NIPSNAP1: variants seen among roughly 807,000 people sequenced by gnomAD.
NIPSNAP1 encodes protein NipSnap homolog 1.
In NIPSNAP1, 25 loss-of-function variants were observed where a neutral mutation model predicts 49.2. That is an observed-to-expected ratio of 0.51 (90% confidence interval 0.37 to 0.71). The LOEUF is 0.71. Ranked by LOEUF, NIPSNAP1 falls within the 30% of genes least tolerant of loss-of-function variation. The pLI is 0.00. For missense variants in NIPSNAP1, 294 were observed against 361.0 expected (o/e 0.81, Z 1.50); for synonymous variants, 143 against 140.7 (o/e 1.02, Z -0.12).
At chr22:29,578,323 AC>A (rs1325991018) in intron 1 of NIPSNAP1, among the ~76,000 whole-genome samples, 1 of 151,186 alleles carries the variant, frequency 6.6e-6, no homozygotes, top group East Asian at 1.9e-4. Context: ...GGCATGACCC[AC>A]TGTGCCTGGC....
Position 29,577,755 on chromosome 22 carries a change from C to T in NIPSNAP1, c.98+3230G>A, listed in dbSNP as rs148283453. ...TTTGTTTTGTTTTGTTTTTTTGATA[C>T]GGAGTCTCCCTCTGTTGCCCAGGCT... On this transcript the variant is annotated intron_variant, in intron 1 of 9. Coordinates refer to ENST00000216121, the MANE Select transcript of NIPSNAP1 (RefSeq NM_003634.4). Among the ~76,000 whole-genome samples, 427 of 147,168 alleles carry T rather than the reference C, an allele frequency of 2.9e-3. 5 individuals carry two copies. Among genetic ancestry groups the T allele is most frequent in the East Asian group, 2.3e-3 (11 of 4,858 alleles).
chr22:29,560,687 C>A, intron 8 of NIPSNAP1, 47 bp downstream of exon 8: 1 of 1,479,734 alleles, frequency 6.8e-7, no homozygotes. Flanking sequence ...AGAGTGATGA[C>A]AGAGAAAGAG....
At position 29,574,289 on chromosome 22, in the gene NIPSNAP1, A is replaced by AAAAGAAAAGAAAGAAAAAG. The variant is rs1555973594; in HGVS notation, c.99-3758_99-3757insCTTTTTCTTTCTTTTCTTT. ...AAAAAAAAAAAAAAAAAAAAAAAAA[A>AAAAGAAAAGAAAGAAAAAG]AAAGAAAGAAAAAGAAAAGAAAATA... On this transcript the variant is annotated intron_variant, in intron 1 of 9. Coordinates refer to ENST00000216121, the MANE Select transcript of NIPSNAP1 (RefSeq NM_003634.4). Among the ~76,000 whole-genome samples the AAAAGAAAAGAAAGAAAAAG allele has an allele frequency of 3.4e-3, 424 of 125,272 alleles. 25 individuals are homozygous for AAAAGAAAAGAAAGAAAAAG. The highest frequency in any genetic ancestry group is 8.7e-3 in the East Asian group (34 of 3,910). 82.2% of individuals were successfully genotyped at this position (125,272 alleles called of 152,430 possible). A position where few individuals can be genotyped will look rare whatever the true frequency, so the allele number is the denominator to read the frequency against.
chr22:29,556,017 A>G lies in NIPSNAP1; in HGVS notation c.791-18T>C. 6.5e-7 allele frequency: 1 copy of G among 1,541,022 alleles called. No individual in the cohort carries two copies. Among genetic ancestry groups the G allele is most frequent in the South Asian group, 1.2e-5 (1 of 83,914 alleles). On this transcript the variant is annotated intron_variant, in intron 9 of 9. Coordinates refer to ENST00000216121, the MANE Select transcript of NIPSNAP1 (RefSeq NM_003634.4). ...CAGGGGGACTGCGGAGAGAGAAGGC[A>G]GAGGTCACACAGGGGGCTCAAGCAA...
At chr22:29,580,847 T>A in intron 1 of NIPSNAP1, 138 bp downstream of exon 1, 2 of 651,334 alleles carry the variant, frequency 3.1e-6, no homozygotes, top group Non-Finnish European at 5.0e-6. Flanking sequence ...GACCCCTCCC[T>A]AGGCCTTGAT....
intron 1 of NIPSNAP1, among the ~76,000 whole-genome samples, chr22:29,572,379 C>T (rs909283470): frequency 1.3e-5 from 2 of 151,208 alleles, no homozygotes; most frequent in African/African-American, 4.9e-5. Context: ...ATGGAGCAGC[C>T]ATTGGGACGG....
In NIPSNAP1 at chr22:29,579,235, C is replaced by T. The variant is rs368945878; in HGVS notation, c.98+1750G>A. ...TACAGGGGTGAGCCATCACACCCAG[C>T]TAATTGTATTTTTAGTAGAGACACG... is the stretch of plus-strand genomic sequence containing the variant. On this transcript the variant is annotated intron_variant, in intron 1 of 9. Coordinates refer to ENST00000216121, the MANE Select transcript of NIPSNAP1 (RefSeq NM_003634.4). Among the ~76,000 whole-genome samples the T allele has an allele frequency of 2.1e-4, 31 of 147,812 alleles. 2 individuals are homozygous for T. Among genetic ancestry groups the T allele is most frequent in the African/African-American group, 7.4e-4 (29 of 38,996 alleles).
At chr22:29,575,015 A>G (rs1222049612) in intron 1 of NIPSNAP1, among the ~76,000 whole-genome samples, 1 of 152,184 alleles carries the variant, frequency 6.6e-6, no homozygotes, top group East Asian at 1.9e-4. Flanking sequence ...AAGGCCGCAC[A>G]GAAAATCAGA....
chr22:29,555,812 T>G lies in NIPSNAP1; in HGVS notation c.*123A>C. On this transcript the variant is annotated 3_prime_UTR_variant, in exon 10 of 10. Transcript: ENST00000216121. ...GCCTTCAGTTCCCCCTTGTCTGAACTGAGCACTGCCCCTCAGAGTCCTCCC... is the reference window on the plus strand; with the variant it reads ...GCCTTCAGTTCCCCCTTGTCTGAACGGAGCACTGCCCCTCAGAGTCCTCCC... 2 of 849,824 alleles carry G rather than the reference T, an allele frequency of 2.4e-6. No individual in the cohort carries two copies. The highest frequency in any genetic ancestry group is 2.2e-4 in the Middle Eastern group (1 of 4,446). 52.6% of individuals were successfully genotyped at this position (849,824 alleles called of 1,614,324 possible).
At chr22:29,560,704 C>A in intron 8 of NIPSNAP1, 30 bp downstream of exon 8, 1 of 1,582,632 alleles carries the variant, frequency 6.3e-7, no homozygotes, top group South Asian at 1.1e-5. Flanking sequence ...AGAGAACTAA[C>A]AAAAGGCTCC....
rs778071409 is a variant in NIPSNAP1, at chr22:29,561,850, C to T, written c.380G>A (p.Arg127Gln). The stretch of plus-strand genomic sequence containing the variant: ...GAGGGCTGGGTAGCCACCTGAGAAT[C>T]GCCACAGGTGCACTGTTGGGGGTGA... ...GEQDQAVHLWRFSGGYPALMD... is the reference protein window; with the variant it reads ...GEQDQAVHLWQFSGGYPALMD... The change falls in exon 5 of 10, where the codon CGA becomes CAA. Residue 127 changes from arginine (R) to glutamine (Q), a missense_variant. By Grantham distance (43) the Arg-to-Gln change is conservative. Coordinates refer to ENST00000216121, the MANE Select transcript of NIPSNAP1 (RefSeq NM_003634.4). The T allele has an allele frequency of 1.2e-5, 20 of 1,614,026 alleles. No homozygotes were observed. Among genetic ancestry groups the T allele is most frequent in the East Asian group, 6.7e-5 (3 of 44,874 alleles).
chr22:29,575,245 A>G (rs2064442617), intron 1 of NIPSNAP1, among the ~76,000 whole-genome samples: 1 of 152,060 alleles, frequency 6.6e-6, no homozygotes, highest in African/African-American at 2.4e-5. Flanking sequence ...ACCAAGATAA[A>G]TATCAGTCAA....
intron 7 of NIPSNAP1, 142 bp downstream of exon 7, chr22:29,561,029 T>A: frequency 1.1e-6 from 1 of 933,524 alleles, no homozygotes; most frequent in Non-Finnish European, 1.7e-6. Context: ...CCTGGCTGGA[T>A]CCTTCTCCCA....
chr22:29,580,625 G>A (rs1302877423), intron 1 of NIPSNAP1, among the ~76,000 whole-genome samples: 6 of 152,054 alleles, frequency 3.9e-5, no homozygotes, highest in Non-Finnish European at 1.5e-5. Context: ...ACTTCCCGAC[G>A]GAGGAGCTGA....
At chr22:29,569,316 G>A (rs756205920) in intron 3 of NIPSNAP1, 29 bp from the exon 4 acceptor site, 1 of 1,556,716 alleles carries the variant, frequency 6.4e-7, no homozygotes, top group South Asian at 1.1e-5. Context: ...GAGGGGCAGG[G>A]TTCACATAGC....
intron 1 of NIPSNAP1, among the ~76,000 whole-genome samples, chr22:29,573,894 G>C (rs1020321578): frequency 1.7e-4 from 26 of 148,848 alleles, no homozygotes; most frequent in African/African-American, 6.2e-4. Context: ...AGCTGAGATC[G>C]GGCCACTGCA....
Position 29,555,732 on chromosome 22 carries a change from C to T in NIPSNAP1, c.*203G>A. On this transcript the variant is annotated 3_prime_UTR_variant, in exon 10 of 10. Transcript: ENST00000216121. ...ACTACTTCTAGCAGGGGGAGGGAGG[C>T]AGGCAGGGAAAGTAGAAAGGGCCTG... is the stretch of plus-strand genomic sequence containing the variant. 3 of 596,218 alleles carry T rather than the reference C, an allele frequency of 5.0e-6. No individual in the cohort carries two copies. Among genetic ancestry groups the T allele is most frequent in the Non-Finnish European group, 6.1e-6 (2 of 325,970 alleles). The allele number at this position is 596,218 out of a possible 1,614,324, so 36.9% of individuals were successfully genotyped here.
rs376118247 is a variant in NIPSNAP1 at position 29,575,205 on chromosome 22, A to G, written c.99-4673T>C. Among the ~76,000 whole-genome samples, 17 of 152,328 alleles carry G rather than the reference A, an allele frequency of 1.1e-4. No individual in the cohort carries two copies. In the East Asian group the frequency reaches 3.3e-3, roughly 29 times the overall value. The stretch of plus-strand genomic sequence containing the variant: ...CAAGACCTTTGCTCTAGAAAGGACT[A>G]GACAGAGTAATTTATTAACATCAGC... On this transcript the variant is annotated intron_variant, in intron 1 of 9. Transcript: ENST00000216121.
intron 4 of NIPSNAP1, among the ~76,000 whole-genome samples, chr22:29,567,454 G>A (rs554972669): frequency 6.6e-6 from 1 of 152,300 alleles, no homozygotes; most frequent in East Asian, 1.9e-4. Context: ...AGGGCGTGAG[G>A]AGGTAATTAC....
Sources: allele counts gnomAD v4.1 joint callset (sites outside exome capture counted in the v4.1 genomes callset), GRCh38; gene constraint gnomAD v4.1.1; transcripts MANE v1.5; gene names NCBI Gene and HGNC (gene_info 2026-07-23, HGNC 2026-07-21).